LPP: variants seen among roughly 807,000 people sequenced by gnomAD.
LPP encodes LIM domain containing preferred translocation partner in lipoma.
In LPP, 38 loss-of-function variants were observed where a neutral mutation model predicts 60.4. The ratio of observed to expected loss-of-function variants is 0.63; its 90% CI spans 0.49 to 0.83. LPP has a LOEUF of 0.83. Among genes scored for constraint, LPP ranks in the 40% least tolerant of loss-of-function variants. LPP has a pLI of 0.00. For missense variants in LPP, 902 were observed against 783.6 expected, an observed-to-expected ratio of 1.15 and a Z score of -1.80; for synonymous variants, 328 against 290.8, an observed-to-expected ratio of 1.13 and a Z score of -1.30.
intron 4 of LPP, among the ~76,000 whole-genome samples, chr3:188,428,601 T>A (rs866330801): frequency 0.013 from 1,996 of 149,738 alleles, 28 homozygotes; most frequent in African/African-American, 0.031. Flanking sequence ...TATATATTTT[T>A]TTTTTTTAAC....
intron 1 of LPP, among the ~76,000 whole-genome samples, chr3:188,183,809 C>G (rs1242136048): frequency 6.6e-6 from 1 of 152,008 alleles, no homozygotes; most frequent in Non-Finnish European, 1.5e-5. Flanking sequence ...GGATGTGAAC[C>G]CAGTTCTGCT....
At chr3:188,474,659 C>A (rs1401945693) in intron 4 of LPP, among the ~76,000 whole-genome samples, 1 of 152,200 alleles carries the variant, frequency 6.6e-6, no homozygotes, top group African/African-American at 2.4e-5. Context: ...TTTGTTTTTA[C>A]TGGTAAATTA....
At chr3:188,225,213 C>G (rs1456602621) in intron 1 of LPP, among the ~76,000 whole-genome samples, 192 bp from the exon 2 acceptor site, 2 of 152,128 alleles carry the variant, frequency 1.3e-5, no homozygotes, top group Admixed American at 6.6e-5. Context: ...GATATGAACA[C>G]TGAGGCATCA....
chr3:188,370,563 A>G (rs1039290936), intron 3 of LPP, among the ~76,000 whole-genome samples: 1 of 152,142 alleles, frequency 6.6e-6, no homozygotes, highest in Non-Finnish European at 1.5e-5. Flanking sequence ...TGCAATGTGT[A>G]TTGCCAGTGT....
intron 5 of LPP, among the ~76,000 whole-genome samples, chr3:188,508,523 T>C (rs184492664): frequency 4.0e-4 from 61 of 152,330 alleles, no homozygotes; most frequent in African/African-American, 1.4e-3. Flanking sequence ...TGTTTTTTAA[T>C]TGAATATGTA....
intron 2 of LPP, among the ~76,000 whole-genome samples, chr3:188,291,645 CAAAAAAAAAA>C (rs34001206): frequency 1.0e-5 from 1 of 96,780 alleles, no homozygotes; most frequent in African/African-American, 4.4e-5. Flanking sequence ...GACTCTGTCT[CAAAAAAAAAA>C]AAAAAAAAAG....
intron 3 of LPP, among the ~76,000 whole-genome samples, chr3:188,369,844 G>T (rs1772469072): frequency 6.6e-6 from 1 of 152,182 alleles, no homozygotes; most frequent in South Asian, 2.1e-4. Flanking sequence ...CACAGACTCA[G>T]GTTGGATGGA....
chr3:188,181,941 C>T (rs916322020), intron 1 of LPP, among the ~76,000 whole-genome samples: 5 of 152,196 alleles, frequency 3.3e-5, no homozygotes, highest in Admixed American at 1.3e-4. Context: ...ACTTCATCAG[C>T]GTCCTCATAG....
intron 5 of LPP, among the ~76,000 whole-genome samples, chr3:188,499,959 A>T (rs1289786704): frequency 6.6e-6 from 1 of 152,104 alleles, no homozygotes; most frequent in Admixed American, 6.5e-5. Flanking sequence ...TAGTAACTTT[A>T]TATGCTCTAC....
intron 2 of LPP, among the ~76,000 whole-genome samples, chr3:188,232,265 G>T (rs1335400519): frequency 6.6e-6 from 1 of 152,120 alleles, no homozygotes; most frequent in East Asian, 1.9e-4. Context: ...TTTGGTCACT[G>T]AGAATGTGGC....
chr3:188,705,518 T>C (rs1476327275), intron 7 of LPP, among the ~76,000 whole-genome samples: 1 of 152,184 alleles, frequency 6.6e-6, no homozygotes, highest in Non-Finnish European at 1.5e-5. Context: ...ATGTATGCAA[T>C]TTAAAGTTTA....
At chr3:188,855,708 C>T (rs190413256) in intron 9 of LPP, among the ~76,000 whole-genome samples, 1 of 152,296 alleles carries the variant, frequency 6.6e-6, no homozygotes, top group African/African-American at 2.4e-5. Context: ...GAACCATGCC[C>T]TATTGAAGCT....
chr3:188,186,056 T>C (rs998623102), intron 1 of LPP, among the ~76,000 whole-genome samples: 7 of 152,048 alleles, frequency 4.6e-5, no homozygotes, highest in African/African-American at 1.5e-4. Context: ...AGGGCACAGG[T>C]TGGGCTTGCC....
chr3:188,613,286 C>CTATATCTATATCTATATCTA (rs1560643673), intron 7 of LPP, among the ~76,000 whole-genome samples: 1 of 142,180 alleles, frequency 7.0e-6, no homozygotes, highest in Non-Finnish European at 1.6e-5. Flanking sequence ...ATATCTATAT[C>CTATATCTATATCTATATCTA]TATATCTATA....
chr3:188,343,126 G>T (rs1306615141), intron 3 of LPP, among the ~76,000 whole-genome samples: 1 of 152,004 alleles, frequency 6.6e-6, no homozygotes, highest in African/African-American at 2.4e-5. Context: ...CATCATCCAG[G>T]TTTTAAGCAC....
At chr3:188,600,814 T>TG (rs1374561654) in intron 6 of LPP, among the ~76,000 whole-genome samples, 2 of 151,154 alleles carry the variant, frequency 1.3e-5, no homozygotes, top group South Asian at 2.1e-4. Flanking sequence ...ATTTGTTTTT[T>TG]GTTTTTTGTT....
At chr3:188,601,033 C>T (rs549251614) in intron 6 of LPP, among the ~76,000 whole-genome samples, 1 of 151,878 alleles carries the variant, frequency 6.6e-6, no homozygotes. Context: ...TTGCTTCTTC[C>T]TTTGGCTATT....
chr3:188,771,159 T>C (rs559061948), intron 9 of LPP, among the ~76,000 whole-genome samples: 26 of 152,218 alleles, frequency 1.7e-4, no homozygotes, highest in South Asian at 1.5e-3. Context: ...ACATTATATA[T>C]TATAACATTG....
At position 188,670,953 on chromosome 3, in the gene LPP, A is replaced by G. The variant is rs564005442; in HGVS notation, c.1114-37314A>G. ...TTCAGCTCCGTTGCTACTTCTGGGC[A>G]GTTATAGGTTTCTAACCCAATAGGG... On this transcript the variant is annotated intron_variant, in intron 7 of 11. Transcript: ENST00000617246. 5.3e-5 allele frequency among the ~76,000 whole-genome samples: 8 copies of G among 152,268 alleles called. No homozygotes were observed. The East Asian group carries it at 1.5e-3, about 29-fold the overall frequency.
Sources: gnomAD v4.1 joint callset for allele counts (sites outside exome capture counted in the v4.1 genomes callset) on GRCh38, gnomAD v4.1.1 for gene constraint, MANE v1.5 for transcripts, NCBI Gene and HGNC (gene_info 2026-07-23, HGNC 2026-07-21) for gene names.